Variants in SCUBE2 observed in about 807,000 individuals in gnomAD.
SCUBE2 encodes signal peptide, CUB and EGF-like domain-containing protein 2.
A neutral mutation model predicts 125.9 loss-of-function variants in SCUBE2; 114 were observed. The observed-to-expected ratio is 0.91, with a 90% CI of 0.78 to 1.06. The LOEUF (loss-of-function observed/expected upper bound fraction) is 1.06. SCUBE2 is among the 50% of genes least tolerant of loss of function. The pLI is 0.00. For missense variants in SCUBE2, 1,255 were observed against 1,301.8 expected (o/e 0.96, Z 0.55); for synonymous variants, 459 against 492.9 (o/e 0.93, Z 0.91).
intron 2 of SCUBE2, among the ~76,000 whole-genome samples, chr11:9,079,834 T>C (rs1174095265): frequency 3.3e-5 from 5 of 152,170 alleles, no homozygotes; most frequent in African/African-American, 1.2e-4. Flanking sequence ...TAGGATATAC[T>C]ATTAAATGAA....
intron 4 of SCUBE2, among the ~76,000 whole-genome samples, chr11:9,072,460 G>A (rs776523510): frequency 3.3e-5 from 5 of 151,948 alleles, no homozygotes; most frequent in African/African-American, 7.3e-5. Context: ...TGCCTGCCTC[G>A]GCCTCCCAAA....
chr11:9,086,613 G>A (rs1240006482), intron 2 of SCUBE2, among the ~76,000 whole-genome samples: 1 of 151,994 alleles, frequency 6.6e-6, no homozygotes, highest in Non-Finnish European at 1.5e-5. Flanking sequence ...AGCACTTTGG[G>A]AGGCCAAGGT....
chr11:9,030,737 G>C (rs1300572198), intron 18 of SCUBE2, 21 bp downstream of exon 18: 40 of 1,602,322 alleles, frequency 2.5e-5, no homozygotes, highest in Non-Finnish European at 3.3e-5. Context: ...CCTAGAAAAA[G>C]GCAAGCTGCC....
chr11:9,048,061 T>C lies in SCUBE2; in HGVS notation c.1677A>G (p.Val559=). The C allele has an allele frequency of 6.2e-7, 1 of 1,614,080 alleles. No individual in the cohort carries two copies. The highest frequency in any genetic ancestry group is 1.1e-5 in the South Asian group (1 of 91,076). The part of the protein sequence containing the change: ...HSSVKESFRY[V]NLTCSSGKQV... ...GCTTGCCAGAGCTGCATGTAAGGTT[T>C]ACGTAGCGGAAGCTCTCTTTTACTG... is the stretch of plus-strand genomic sequence containing the variant. Residue 559 remains valine (V), a synonymous_variant, in exon 15 of 23, where the codon GTA becomes GTG. Coordinates refer to ENST00000649792, the MANE Select transcript of SCUBE2 (RefSeq NM_001367977.2).
At chr11:9,055,655 G>A (rs2135515197) in intron 10 of SCUBE2, 138 bp downstream of exon 10, 1 of 690,166 alleles carries the variant, frequency 1.4e-6, no homozygotes, top group Admixed American at 2.1e-5. Flanking sequence ...TCAAGTTGAT[G>A]GACTCACCGC....
rs377759778 is a variant in SCUBE2, at chr11:9,050,659, C to G, written c.1586G>C (p.Cys529Ser). Residue 529 changes from cysteine (C) to serine (S), a missense_variant, in exon 14 of 23, where the codon TGT becomes TCT. This residue lies in a region of SCUBE2 where 378 missense variants were observed against 463.1 expected (regional missense o/e 0.82). Coordinates refer to ENST00000649792, the MANE Select transcript of SCUBE2 (RefSeq NM_001367977.2). ...AAACAGCTCAGCATTTTTCAAACTA[C>G]ACTTGCCTTCATTTAGCTTAAAGGT... ...SVTFKLNEGKCSLKNAELFPE... is the reference protein window; with the variant it reads ...SVTFKLNEGKSSLKNAELFPE... 3.5e-5 allele frequency: 56 copies of G among 1,614,114 alleles called. No individual in the cohort carries two copies. Among genetic ancestry groups the G allele is most frequent in the Non-Finnish European group, 4.7e-5 (55 of 1,180,032 alleles).
At chr11:9,045,223 A>T (rs1857587244) in intron 16 of SCUBE2, among the ~76,000 whole-genome samples, 1 of 152,168 alleles carries the variant, frequency 6.6e-6, no homozygotes, top group Non-Finnish European at 1.5e-5. Flanking sequence ...ATGTGCATAA[A>T]AACAGTTGTG....
At chr11:9,037,992 T>C (rs541990558) in intron 16 of SCUBE2, among the ~76,000 whole-genome samples, 45 of 152,352 alleles carry the variant, frequency 3.0e-4, no homozygotes, top group Middle Eastern at 3.4e-3. Context: ...TTTCTCTTAA[T>C]GTTATCTACT....
At chr11:9,048,354 G>A (rs1350403598) in intron 14 of SCUBE2, among the ~76,000 whole-genome samples, 1 of 152,138 alleles carries the variant, frequency 6.6e-6, no homozygotes, top group Admixed American at 6.5e-5. Flanking sequence ...AGATGTTTCC[G>A]ACTGACTAGC....
chr11:9,084,726 A>G (rs1269256631), intron 2 of SCUBE2, among the ~76,000 whole-genome samples: 3 of 152,138 alleles, frequency 2.0e-5, no homozygotes, highest in African/African-American at 7.2e-5. Flanking sequence ...TCATGAAAAA[A>G]ACAAAGACAT....
intron 16 of SCUBE2, among the ~76,000 whole-genome samples, chr11:9,043,299 C>T (rs1478156086): frequency 2.0e-5 from 3 of 152,228 alleles, no homozygotes; most frequent in South Asian, 4.2e-4. Context: ...CATACACACA[C>T]ATATATATTA....
chr11:9,047,497 G>C lies in SCUBE2; in HGVS notation c.1861C>G (p.Leu621Val). The C allele has an allele frequency of 6.2e-7, 1 of 1,613,940 alleles. No homozygotes were observed. Among genetic ancestry groups the C allele is most frequent in the Non-Finnish European group, 8.5e-7 (1 of 1,179,998 alleles). ...TGCTCCCTGTGGACGGCCTTTCTGAGCGTGCGGATGGCTTTACGGAGCCGC... is the reference window on the plus strand; with the variant it reads ...TGCTCCCTGTGGACGGCCTTTCTGACCGTGCGGATGGCTTTACGGAGCCGC... ...EKRLRKAIRT[L>V]RKAVHREQFH... is the part of the protein sequence containing the mutation. Residue 621 changes from leucine to valine, a missense_variant, in exon 16 of 23, where the codon CTC becomes GTC. This residue lies in a region of SCUBE2 where 515 missense variants were observed against 515.7 expected (regional missense o/e 1.00). Transcript: ENST00000649792.
intron 1 of SCUBE2, among the ~76,000 whole-genome samples, chr11:9,090,719 C>T (rs1862616527): frequency 6.6e-6 from 1 of 152,036 alleles, no homozygotes; most frequent in Non-Finnish European, 1.5e-5. Context: ...CACCCCTGCC[C>T]ATCCTCTCAA....
chr11:9,067,148 T>C (rs1255129295), intron 5 of SCUBE2, among the ~76,000 whole-genome samples: 2 of 152,222 alleles, frequency 1.3e-5, no homozygotes, highest in Non-Finnish European at 2.9e-5. Flanking sequence ...TAGAGAAGTT[T>C]ACCTATTAAT....
In SCUBE2 at chr11:9,030,805, G is replaced by A. The variant is rs374894100; in HGVS notation, c.2294C>T (p.Ala765Val). 9 of 1,614,184 alleles carry A rather than the reference G, an allele frequency of 5.6e-6. No individual in the cohort carries two copies. The African/African-American group carries it at 9.3e-5, about 17-fold the overall frequency. ...TSCFPCGGGL[A>V]TKHQGATSFQ... ...GGAAGTAGCTCCCTGATGTTTGGTG[G>A]CAAGGCCTCCTCCACAGGGGAAGCA... is the stretch of plus-strand genomic sequence containing the variant. The change falls in exon 18 of 23, where the codon GCC becomes GTC. Residue 765 changes from alanine (A) to valine (V), a missense_variant. Transcript: ENST00000649792.
chr11:9,079,587 T>G, intron 2 of SCUBE2, 78 bp from the exon 3 acceptor site: 1 of 1,454,018 alleles, frequency 6.9e-7, no homozygotes, highest in Non-Finnish European at 9.4e-7. Context: ...CTCCAGCCAT[T>G]CCACTTCTAG....
intron 3 of SCUBE2, among the ~76,000 whole-genome samples, chr11:9,078,804 G>A (rs996826651): frequency 1.3e-5 from 2 of 152,206 alleles, no homozygotes; most frequent in African/African-American, 4.8e-5. Flanking sequence ...GCTGCTAGCT[G>A]CTTCTAAGTT....
chr11:9,088,785 G>C lies in SCUBE2; in HGVS notation c.256+922C>G, dbSNP rs140056849. Among the ~76,000 whole-genome samples the C allele has an allele frequency of 6.7e-3, 1,022 of 152,322 alleles. 19 individuals are homozygous for C. Among genetic ancestry groups the C allele is most frequent in the African/African-American group, 0.023 (942 of 41,564 alleles). ...TTCCTGCAAGGGATGACTATAGACA[G>C]TGGGATTTCTCACTCATCCAAAGAA... is the stretch of plus-strand genomic sequence containing the variant. On this transcript the variant is annotated intron_variant, in intron 2 of 22. Transcript: ENST00000649792.
At chr11:9,053,022 A>T in intron 12 of SCUBE2, 77 bp downstream of exon 12, 1 of 1,322,126 alleles carries the variant, frequency 7.6e-7, no homozygotes, top group Non-Finnish European at 1.1e-6. Context: ...AAGCCCTTTG[A>T]GGGAATCTAA....
Sources: gnomAD v4.1 joint callset for allele counts (sites outside exome capture counted in the v4.1 genomes callset) on GRCh38, gnomAD v4.1.1 for gene constraint, gnomAD v4.1.1 regional missense constraint, MANE v1.5 for transcripts, NCBI Gene and HGNC (gene_info 2026-07-23, HGNC 2026-07-21) for gene names.